The following ST6GALNAC3 variants were observed in gnomAD, a reference collection of about 807,000 sequenced individuals.
ST6GALNAC3 encodes ST6 N-acetylgalactosaminide alpha-2,6-sialyltransferase 3, also known as alpha-N-acetylgalactosaminide alpha-2,6-sialyltransferase 3.
A neutral mutation model predicts 32.7 loss-of-function variants in ST6GALNAC3; 25 were observed. The observed-to-expected ratio is 0.76, with a 90% CI of 0.56 to 1.07. The LOEUF is 1.07. ST6GALNAC3 is among the 50% of genes least tolerant of loss of function. The pLI, the probability that ST6GALNAC3 is intolerant of heterozygous loss-of-function variation, is 0.00. For missense variants in ST6GALNAC3, 355 were observed against 382.4 expected (o/e 0.93, Z 0.60); for synonymous variants, 129 against 133.1 (o/e 0.97, Z 0.21).
chr1:76,348,222 T>G (rs1490577292), intron 2 of ST6GALNAC3, among the ~76,000 whole-genome samples: 1 of 152,158 alleles, frequency 6.6e-6, no homozygotes, highest in African/African-American at 2.4e-5. Flanking sequence ...CAGAGATAAC[T>G]TATTGTTTAG....
chr1:76,335,455 ACACT>A (rs756924250), intron 2 of ST6GALNAC3, among the ~76,000 whole-genome samples: 5 of 146,992 alleles, frequency 3.4e-5, no homozygotes, highest in Admixed American at 2.0e-4. Flanking sequence ...ACACACACAC[ACACT>A]CACACTCAGT....
At chr1:76,095,202 CT>C in intron 1 of ST6GALNAC3, among the ~76,000 whole-genome samples, 1 of 152,170 alleles carries the variant, frequency 6.6e-6, no homozygotes. Context: ...GTAATCATAT[CT>C]GCTGTACTGG....
At chr1:76,624,306 A>G (rs968372504) in intron 3 of ST6GALNAC3, among the ~76,000 whole-genome samples, 1 of 151,964 alleles carries the variant, frequency 6.6e-6, no homozygotes, top group Admixed American at 6.6e-5. Flanking sequence ...TAAGATGGCA[A>G]GATCCTTGAC....
At chr1:76,614,217 C>T (rs1648126861) in intron 3 of ST6GALNAC3, among the ~76,000 whole-genome samples, 1 of 152,154 alleles carries the variant, frequency 6.6e-6, no homozygotes, top group Non-Finnish European at 1.5e-5. Context: ...TGCAAGTCAG[C>T]TGTGTATAAA....
chr1:76,479,006 G>A (rs1254000247), intron 3 of ST6GALNAC3, among the ~76,000 whole-genome samples: 7 of 151,842 alleles, frequency 4.6e-5, no homozygotes, highest in South Asian at 2.1e-4. Context: ...CTTGTGATCT[G>A]CCCACCTTGG....
At position 76,412,135 on chromosome 1, in the gene ST6GALNAC3, G is replaced by C. The variant is rs752102249; in HGVS notation, c.341G>C (p.Gly114Ala). Residue 114 changes from glycine (G) to alanine (A), a missense_variant, in exon 3 of 5, where the codon GGT becomes GCT. By Grantham distance (60) the Gly-to-Ala change is moderately conservative (BLOSUM62 0). Coordinates refer to ENST00000328299, the MANE Select transcript of ST6GALNAC3 (RefSeq NM_152996.4). ...AGAATGAACAATGCCCCCACCAAAG[G>C]TTATGAAGAAGATGTCGGCCGCATG... ...IWRMNNAPTK[G>A]YEEDVGRMTM... 3 of 1,613,746 alleles carry C rather than the reference G, an allele frequency of 1.9e-6. No individual in the cohort carries two copies. The highest frequency in any genetic ancestry group is 1.7e-5 in the Admixed American group (1 of 59,942).
At chr1:76,382,783 T>C (rs1015307935) in intron 2 of ST6GALNAC3, among the ~76,000 whole-genome samples, 2 of 152,210 alleles carry the variant, frequency 1.3e-5, no homozygotes, top group East Asian at 1.9e-4. Flanking sequence ...AACATTGGTA[T>C]AACATAAGTA....
rs1001980383 is a variant in ST6GALNAC3 at position 76,270,524 on chromosome 1, A to G, written c.19-43281A>G. On this transcript the variant is annotated intron_variant, in intron 1 of 4. Transcript: ENST00000328299. The stretch of plus-strand genomic sequence containing the variant: ...CTCTGTCTCAAAAAAAAAAAAAAAA[A>G]AAAAAAAAAGTTGGCAACCTTAGAA... Among the ~76,000 whole-genome samples the G allele has an allele frequency of 1.5e-3, 222 of 151,774 alleles. 1 individual carries two copies. In the Middle Eastern group the frequency reaches 0.02, roughly 14 times the overall value.
At chr1:76,325,616 G>T (rs903711392) in intron 2 of ST6GALNAC3, among the ~76,000 whole-genome samples, 2 of 150,556 alleles carry the variant, frequency 1.3e-5, no homozygotes. Flanking sequence ...TATCTTTCAG[G>T]TATCTTTCCC....
chr1:76,096,979 C>T (rs1477800527), intron 1 of ST6GALNAC3, among the ~76,000 whole-genome samples: 2 of 146,960 alleles, frequency 1.4e-5, no homozygotes, highest in African/African-American at 2.5e-5. Flanking sequence ...AGCACAGTGG[C>T]GTGATCTCGG....
chr1:76,601,766 C>T (rs1312979036), intron 3 of ST6GALNAC3, among the ~76,000 whole-genome samples: 2 of 152,100 alleles, frequency 1.3e-5, no homozygotes, highest in Non-Finnish European at 2.9e-5. Flanking sequence ...GGGGAAGAAG[C>T]CTTTTGCACT....
At chr1:76,492,294 T>G (rs1195191931) in intron 3 of ST6GALNAC3, among the ~76,000 whole-genome samples, 2 of 152,046 alleles carry the variant, frequency 1.3e-5, no homozygotes, top group Admixed American at 1.3e-4. Context: ...ATAACACATA[T>G]TTCATGGGAA....
intron 1 of ST6GALNAC3, among the ~76,000 whole-genome samples, chr1:76,305,608 G>A (rs1661001248): frequency 6.6e-6 from 1 of 152,060 alleles, no homozygotes; most frequent in Non-Finnish European, 1.5e-5. Flanking sequence ...GAGCAAACAT[G>A]GACTACTTCA....
At chr1:76,307,230 G>GT (rs1287064477) in intron 1 of ST6GALNAC3, among the ~76,000 whole-genome samples, 2 of 152,022 alleles carry the variant, frequency 1.3e-5, no homozygotes, top group African/African-American at 4.8e-5. Flanking sequence ...AATTAGTGGG[G>GT]TTTTTCCTAG....
At chr1:76,428,745 A>G (rs1201504937) in intron 3 of ST6GALNAC3, among the ~76,000 whole-genome samples, 1 of 152,198 alleles carries the variant, frequency 6.6e-6, no homozygotes, top group Non-Finnish European at 1.5e-5. Flanking sequence ...TGACAATGAA[A>G]GAACTCATTA....
chr1:76,239,732 A>G (rs1050893976), intron 1 of ST6GALNAC3, among the ~76,000 whole-genome samples: 1 of 152,152 alleles, frequency 6.6e-6, no homozygotes, highest in Non-Finnish European at 1.5e-5. Context: ...TCAACATGAG[A>G]TTTGGAGGGG....
intron 2 of ST6GALNAC3, among the ~76,000 whole-genome samples, chr1:76,403,915 G>A (rs1016570012): frequency 2.0e-5 from 3 of 151,162 alleles, no homozygotes; most frequent in Admixed American, 1.3e-4. Flanking sequence ...ACTCTTTCTT[G>A]GTTTGAGAAA....
In ST6GALNAC3 at chr1:76,313,881, A is replaced by T. The variant is rs1557778024; in HGVS notation, c.95A>T (p.Asn32Ile). 1 of 1,613,550 alleles carries T rather than the reference A, an allele frequency of 6.2e-7. No homozygotes were observed. The highest frequency in any genetic ancestry group is 8.5e-7 in the Non-Finnish European group (1 of 1,179,718). Residue 32 changes from asparagine to isoleucine, a missense_variant, in exon 2 of 5, where the codon AAT becomes ATT. Asn to Ile is a moderately radical substitution (Grantham distance 149). Transcript: ENST00000328299. ...GTTGTGCGTCTTGTAAATGAAGTGA[A>T]TTTCCCATTGCTACTAAACTGCTTT... The part of the protein sequence containing the change: ...LLVVRLVNEV[N>I]FPLLLNCFGQ...
At chr1:76,118,135 C>G (rs551973714) in intron 1 of ST6GALNAC3, among the ~76,000 whole-genome samples, 1 of 152,192 alleles carries the variant, frequency 6.6e-6, no homozygotes, top group Non-Finnish European at 1.5e-5. Context: ...GCTCTCCCTC[C>G]CCTTGCCCCC....
Sources: allele counts gnomAD v4.1 joint callset (sites outside exome capture counted in the v4.1 genomes callset), GRCh38; gene constraint gnomAD v4.1.1; transcripts MANE v1.5; gene names NCBI Gene and HGNC (gene_info 2026-07-23, HGNC 2026-07-21).